Variants in CSMD1 observed in about 807,000 individuals in gnomAD.
CSMD1 encodes the protein CUB and sushi domain-containing protein 1.
A neutral mutation model predicts 417.5 loss-of-function variants in CSMD1; 213 were observed. The ratio of observed to expected loss-of-function variants is 0.51; its 90% CI spans 0.46 to 0.57. The LOEUF (loss-of-function observed/expected upper bound fraction) is 0.57, where lower values mean the gene tolerates loss of function less well. Ranked by LOEUF, CSMD1 falls within the 20% of genes least tolerant of loss-of-function variation. The pLI, the probability that CSMD1 is intolerant of heterozygous loss-of-function variation, is 0.00. For synonymous variants in CSMD1, 2,862 were observed against 1,736.8 expected, an observed-to-expected ratio of 1.65 and a Z score of -16.11; for missense variants, 6,923 against 4,529.7, an observed-to-expected ratio of 1.53 and a Z score of -15.17.
intron 1 of CSMD1, among the ~76,000 whole-genome samples, chr8:4,726,196 T>C (rs1430262396): frequency 6.6e-6 from 1 of 152,118 alleles, no homozygotes; most frequent in Non-Finnish European, 1.5e-5. Flanking sequence ...ACTTGGAAGT[T>C]TTCAGCTGTG....
intron 1 of CSMD1, among the ~76,000 whole-genome samples, chr8:4,944,031 G>C (rs781403430): frequency 1.3e-5 from 2 of 152,150 alleles, no homozygotes; most frequent in Non-Finnish European, 1.5e-5. Context: ...ATCAAAATAA[G>C]CTGGAAAGTC....
chr8:3,589,953 T>G (rs115682802), intron 8 of CSMD1, among the ~76,000 whole-genome samples: 5,154 of 55,368 alleles, frequency 0.093, 304 homozygotes, highest in African/African-American at 0.28. Context: ...ATCCAAAATA[T>G]AGGAAATTTC....
intron 1 of CSMD1, among the ~76,000 whole-genome samples, chr8:4,853,625 T>G (rs183150547): frequency 1.3e-5 from 2 of 152,296 alleles, no homozygotes; most frequent in African/African-American, 4.8e-5. Context: ...AATGTGGCAT[T>G]GGAACCCCAT....
At chr8:3,102,620 G>C (rs1435550773) in intron 46 of CSMD1, among the ~76,000 whole-genome samples, 1 of 152,190 alleles carries the variant, frequency 6.6e-6, no homozygotes, top group Non-Finnish European at 1.5e-5. Context: ...ATCATGCAAA[G>C]ATAACAGCAT....
chr8:4,461,769 C>G (rs536115425), intron 2 of CSMD1, among the ~76,000 whole-genome samples: 21 of 134,198 alleles, frequency 1.6e-4, no homozygotes, highest in African/African-American at 5.9e-4. Flanking sequence ...GAGATGGAGT[C>G]TCGCTCTGTC....
chr8:3,150,763 C>G (rs968542699), intron 40 of CSMD1, among the ~76,000 whole-genome samples: 1 of 152,016 alleles, frequency 6.6e-6, no homozygotes, highest in Non-Finnish European at 1.5e-5. Context: ...AGGAGGCAGA[C>G]AGGGAAAGGC....
At chr8:4,838,014 G>C (rs1800603513) in intron 1 of CSMD1, among the ~76,000 whole-genome samples, 1 of 152,166 alleles carries the variant, frequency 6.6e-6, no homozygotes, top group African/African-American at 2.4e-5. Context: ...TCTGTTCTAT[G>C]GGCCCAGGAG....
At chr8:4,940,333 C>T (rs1048167378) in intron 1 of CSMD1, among the ~76,000 whole-genome samples, 2 of 152,128 alleles carry the variant, frequency 1.3e-5, no homozygotes, top group Non-Finnish European at 1.5e-5. Context: ...CTGACGTGCC[C>T]ATGTAATTTC....
At chr8:3,198,756 T>TG (rs1392135667) in intron 33 of CSMD1, among the ~76,000 whole-genome samples, 1 of 152,174 alleles carries the variant, frequency 6.6e-6, no homozygotes, top group Non-Finnish European at 1.5e-5. Context: ...ATACTCCACC[T>TG]TTTTAAAAAA....
chr8:3,607,021 A>G (rs933827182), intron 8 of CSMD1, among the ~76,000 whole-genome samples: 1 of 152,080 alleles, frequency 6.6e-6, no homozygotes, highest in Non-Finnish European at 1.5e-5. Context: ...ACCGTGTTAC[A>G]GTTTTTAACT....
chr8:4,078,026 G>C (rs1390998923), intron 3 of CSMD1, among the ~76,000 whole-genome samples: 1 of 152,014 alleles, frequency 6.6e-6, no homozygotes, highest in African/African-American at 2.4e-5. Flanking sequence ...GCTATTTCAA[G>C]AAATGCAATC....
At chr8:3,844,281 G>T (rs971935939) in intron 5 of CSMD1, among the ~76,000 whole-genome samples, 11 of 152,168 alleles carry the variant, frequency 7.2e-5, no homozygotes, top group Non-Finnish European at 1.2e-4. Context: ...GTGATATTTA[G>T]TGAGTCAAGG....
intron 49 of CSMD1, among the ~76,000 whole-genome samples, chr8:3,058,340 G>A (rs1993679): frequency 0.091 from 13,898 of 152,086 alleles, 979 homozygotes; most frequent in East Asian, 0.34. Flanking sequence ...GCATTCTGAG[G>A]CCCATGAAAC....
At chr8:4,017,065 G>A (rs1189829794) in intron 4 of CSMD1, among the ~76,000 whole-genome samples, 1 of 152,162 alleles carries the variant, frequency 6.6e-6, no homozygotes, top group Non-Finnish European at 1.5e-5. Flanking sequence ...TTCATCCGGA[G>A]GCAAGACTTC....
At chr8:4,188,092 A>G (rs1279948499) in intron 3 of CSMD1, among the ~76,000 whole-genome samples, 1 of 152,136 alleles carries the variant, frequency 6.6e-6, no homozygotes, top group Non-Finnish European at 1.5e-5. Flanking sequence ...GACTGCTGGC[A>G]GGATGCACGA....
intron 2 of CSMD1, among the ~76,000 whole-genome samples, chr8:4,431,461 G>A (rs1480552111): frequency 6.6e-6 from 1 of 152,080 alleles, no homozygotes; most frequent in African/African-American, 2.4e-5. Context: ...GTCAGGAGAG[G>A]AGGGCAGAGA....
At chr8:3,674,025 G>C (rs1460155989) in intron 7 of CSMD1, among the ~76,000 whole-genome samples, 1 of 152,150 alleles carries the variant, frequency 6.6e-6, no homozygotes, top group Non-Finnish European at 1.5e-5. Flanking sequence ...AGAATAACTT[G>C]AGCCTGGGAG....
At chr8:4,016,027 G>T (rs78496472) in intron 4 of CSMD1, among the ~76,000 whole-genome samples, 3 of 152,124 alleles carry the variant, frequency 2.0e-5, no homozygotes, top group African/African-American at 7.2e-5. Context: ...TTCAGCCTTG[G>T]ACATGACATC....
intron 7 of CSMD1, among the ~76,000 whole-genome samples, chr8:3,655,649 T>C (rs568082786): frequency 1.9e-3 from 246 of 128,356 alleles, no homozygotes; most frequent in African/African-American, 6.6e-3. Flanking sequence ...GATGACTCAA[T>C]GGAGGTTGCG....
Sources: allele counts gnomAD v4.1 joint callset (sites outside exome capture counted in the v4.1 genomes callset), GRCh38; gene constraint gnomAD v4.1.1; transcripts MANE v1.5; gene names NCBI Gene and HGNC (gene_info 2026-07-23, HGNC 2026-07-21).